Variants in TCF7L2 observed in about 807,000 individuals in gnomAD.
The protein encoded by TCF7L2 is transcription factor 7-like 2.
In TCF7L2, 23 loss-of-function variants were observed where a neutral mutation model predicts 77.9. That is an observed-to-expected ratio of 0.30 (90% confidence interval 0.21 to 0.42). The LOEUF (loss-of-function observed/expected upper bound fraction) is 0.42, where lower values mean the gene tolerates loss of function less well. Among genes scored for constraint, TCF7L2 ranks in the 10% least tolerant of loss-of-function variants. The pLI is 1.00. For synonymous variants in TCF7L2, 413 were observed against 340.2 expected (o/e 1.21, Z -2.36); for missense variants, 654 against 793.1 (o/e 0.82, Z 2.11).
intron 4 of TCF7L2, among the ~76,000 whole-genome samples, chr10:113,000,355 C>A (rs933371573): frequency 1.3e-5 from 2 of 152,122 alleles, no homozygotes; most frequent in East Asian, 3.9e-4. Flanking sequence ...TTTGTAGGTT[C>A]TGGAGGGAAG....
At chr10:113,035,696 A>G (rs1309603795) in intron 4 of TCF7L2, among the ~76,000 whole-genome samples, 2 of 152,224 alleles carry the variant, frequency 1.3e-5, no homozygotes, top group African/African-American at 4.8e-5. Flanking sequence ...TGCATCCAGC[A>G]CTTTTATTAT....
At chr10:113,012,751 C>T (rs2046667847) in intron 4 of TCF7L2, among the ~76,000 whole-genome samples, 2 of 152,102 alleles carry the variant, frequency 1.3e-5, no homozygotes, top group Admixed American at 6.6e-5. Flanking sequence ...CTGGATCTGT[C>T]TAGGGAATAT....
intron 7 of TCF7L2, 67 bp downstream of exon 7, chr10:113,144,092 GTGTGTGTC>G (rs1420368523): frequency 2.6e-5 from 24 of 909,802 alleles, no homozygotes; most frequent in African/African-American, 1.8e-4. Flanking sequence ...TTTATTCTGT[GTGTGTGTC>G]TGTGTGTGTG....
At chr10:113,039,807 G>C (rs543661617) in intron 4 of TCF7L2, among the ~76,000 whole-genome samples, 86 of 151,862 alleles carry the variant, frequency 5.7e-4, no homozygotes, top group Middle Eastern at 3.4e-3. Context: ...AAATACAGTT[G>C]CTAGTAACAT....
chr10:113,090,837 T>G (rs1188305452), intron 5 of TCF7L2, among the ~76,000 whole-genome samples: 1 of 152,192 alleles, frequency 6.6e-6, no homozygotes, highest in Non-Finnish European at 1.5e-5. Context: ...CTCGATCTCC[T>G]GACCTCGTGA....
intron 5 of TCF7L2, among the ~76,000 whole-genome samples, chr10:113,049,304 C>T (rs1011284504): frequency 6.6e-6 from 1 of 152,064 alleles, no homozygotes; most frequent in Non-Finnish European, 1.5e-5. Flanking sequence ...CTCCCCAGCT[C>T]CAAACCTGTT....
intron 5 of TCF7L2, among the ~76,000 whole-genome samples, chr10:113,096,351 G>A (rs1381058061): frequency 6.6e-6 from 1 of 152,176 alleles, no homozygotes; most frequent in Non-Finnish European, 1.5e-5. Flanking sequence ...TTTATTAAGG[G>A]CAGTGATTAT....
chr10:113,080,934 C>G (rs559219359), intron 5 of TCF7L2, among the ~76,000 whole-genome samples: 7 of 152,286 alleles, frequency 4.6e-5, no homozygotes, highest in African/African-American at 1.7e-4. Context: ...GTTCCTGTGG[C>G]TAACAAGATG....
At chr10:113,095,240 C>T (rs1052751087) in intron 5 of TCF7L2, among the ~76,000 whole-genome samples, 6 of 152,194 alleles carry the variant, frequency 3.9e-5, no homozygotes, top group African/African-American at 1.4e-4. Flanking sequence ...CATAATGCCC[C>T]CTTGATGTAT....
intron 5 of TCF7L2, chr10:113,133,433 G>A (rs1248020296): frequency 2.0e-5 from 3 of 152,108 alleles, no homozygotes; most frequent in African/African-American, 7.2e-5. Flanking sequence ...TGAGGATAGA[G>A]AAAAGGTCTT....
chr10:113,160,525 A>G (rs1314106195), intron 12 of TCF7L2: 3 of 1,130,404 alleles, frequency 2.7e-6, no homozygotes, highest in Non-Finnish European at 3.7e-6. Context: ...CCAAGGTGAT[A>G]GAGAAGAAAA....
chr10:113,006,799 A>T (rs1167796161), intron 4 of TCF7L2, among the ~76,000 whole-genome samples: 1 of 152,224 alleles, frequency 6.6e-6, no homozygotes, highest in African/African-American at 2.4e-5. Context: ...TGTGGGGCAA[A>T]GCCCAGGACA....
intron 4 of TCF7L2, among the ~76,000 whole-genome samples, chr10:113,032,344 G>T (rs968849561): frequency 1.3e-5 from 2 of 152,188 alleles, no homozygotes; most frequent in Non-Finnish European, 2.9e-5. Flanking sequence ...AAAGAAAACA[G>T]TGAATCCCAA....
At chr10:113,141,945 G>A (rs1009442835) in intron 6 of TCF7L2, among the ~76,000 whole-genome samples, 6 of 152,164 alleles carry the variant, frequency 3.9e-5, no homozygotes, top group East Asian at 1.9e-4. Context: ...TCATTTCTTC[G>A]TAGAACAACC....
At chr10:113,076,065 G>A (rs1388206996) in intron 5 of TCF7L2, among the ~76,000 whole-genome samples, 8 of 151,178 alleles carry the variant, frequency 5.3e-5, no homozygotes, top group Admixed American at 4.0e-4. Flanking sequence ...AAACCCAGGA[G>A]GCGAAGGTTG....
At chr10:113,017,059 C>T (rs1033047811) in intron 4 of TCF7L2, among the ~76,000 whole-genome samples, 1 of 152,188 alleles carries the variant, frequency 6.6e-6, no homozygotes, top group East Asian at 1.9e-4. Context: ...TTCTCCACTC[C>T]TCAACACACT....
chr10:113,064,525 G>A (rs1282332257), intron 5 of TCF7L2, among the ~76,000 whole-genome samples: 3 of 152,228 alleles, frequency 2.0e-5, no homozygotes, highest in Non-Finnish European at 4.4e-5. Context: ...CCATAAACGT[G>A]CACATGGACC....
At chr10:112,996,377 CT>C (rs1488444849) in intron 4 of TCF7L2, among the ~76,000 whole-genome samples, 1 of 151,978 alleles carries the variant, frequency 6.6e-6, no homozygotes, top group East Asian at 1.9e-4. Context: ...CATGGGAAAC[CT>C]AAAAAAGGGG....
At chr10:113,068,036 A>AT (rs554999253) in intron 5 of TCF7L2, among the ~76,000 whole-genome samples, 14 of 152,194 alleles carry the variant, frequency 9.2e-5, no homozygotes, top group Admixed American at 3.3e-4. Context: ...GACACTTAAT[A>AT]TAACTTTATG....
Sources: allele counts gnomAD v4.1 joint callset (sites outside exome capture counted in the v4.1 genomes callset), GRCh38; gene constraint gnomAD v4.1.1; transcripts MANE v1.5; gene names NCBI Gene and HGNC (gene_info 2026-07-23, HGNC 2026-07-21).